Variants in EXTL3 observed in about 807,000 individuals in gnomAD.
EXTL3 encodes the protein exostosin like glycosyltransferase 3, also known as exostosin-like 3.
Under a neutral mutation model 69.3 loss-of-function variants are expected in EXTL3, and 27 were observed. The observed-to-expected ratio is 0.39, with a 90% CI of 0.29 to 0.54. The LOEUF is 0.54. Among genes scored for constraint, EXTL3 ranks in the 20% least tolerant of loss-of-function variants. EXTL3 has a pLI of 0.69. For missense variants in EXTL3, 1,003 were observed against 1,231.8 expected, an observed-to-expected ratio of 0.81 and a Z score of 2.78; for synonymous variants, 511 against 499.4, an observed-to-expected ratio of 1.02 and a Z score of -0.31.
At chr8:28,687,890 C>T (rs556744550) in intron 1 of EXTL3, among the ~76,000 whole-genome samples, 3 of 152,170 alleles carry the variant, frequency 2.0e-5, no homozygotes, top group East Asian at 1.9e-4. Flanking sequence ...AGTGGGATAA[C>T]GAATTTAGGA....
intron 4 of EXTL3, among the ~76,000 whole-genome samples, chr8:28,732,978 C>T (rs1026711878): frequency 2.0e-5 from 3 of 152,166 alleles, no homozygotes; most frequent in South Asian, 2.1e-4. Context: ...GCAACCTGCC[C>T]GCCTCGGCCT....
At position 28,731,110 on chromosome 8, in the gene EXTL3, A is replaced by G. The variant is rs1027102988; in HGVS notation, c.2149-113A>G. ...GCTAGATTTTACAAGCGCGGAGATC[A>G]GGCAAAATTATTCAGTAAATCCAGC... On this transcript the variant is annotated intron_variant, in intron 3 of 6. Coordinates refer to ENST00000220562, the MANE Select transcript of EXTL3 (RefSeq NM_001440.4). 133 of 1,358,288 alleles carry G rather than the reference A, an allele frequency of 9.8e-5. 1 individual carries two copies. Among genetic ancestry groups the G allele is most frequent in the Non-Finnish European group, 1.3e-4 (127 of 954,054 alleles). The allele number at this position is 1,358,288 out of a possible 1,614,324, so 84.1% of individuals were successfully genotyped here. A position where few individuals can be genotyped will look rare whatever the true frequency, so the allele number is the denominator to read the frequency against.
chr8:28,720,234 C>G (rs1451025111), intron 3 of EXTL3, among the ~76,000 whole-genome samples: 2 of 152,152 alleles, frequency 1.3e-5, no homozygotes, highest in Non-Finnish European at 2.9e-5. Context: ...AAGGGCACTA[C>G]TGTGATACAC....
At chr8:28,726,335 T>G (rs944342547) in intron 3 of EXTL3, among the ~76,000 whole-genome samples, 2 of 152,202 alleles carry the variant, frequency 1.3e-5, no homozygotes, top group Non-Finnish European at 2.9e-5. Context: ...GAGCTTTTGT[T>G]TAGCCATTAA....
Position 28,716,136 on chromosome 8 carries a change from G to A in EXTL3, c.77G>A (p.Arg26His), listed in dbSNP as rs146905864. The change falls in exon 3 of 7, where the codon CGC becomes CAC. Residue 26 changes from arginine to histidine, a missense_variant. Coordinates refer to ENST00000220562, the MANE Select transcript of EXTL3 (RefSeq NM_001440.4). This position sits in a 1 kb window ranked among gnomAD's most constrained non-coding sequence, Gnocchi z 7.1. ...GQTCMLRWSN[R>H]IRLTWLSFTL... ...ACCTGCATGCTGCGCTGGTCCAACCGCATCCGCCTCACGTGGCTCAGCTTC... is the reference window on the plus strand; with the variant it reads ...ACCTGCATGCTGCGCTGGTCCAACCACATCCGCCTCACGTGGCTCAGCTTC... 22 of 1,613,890 alleles carry A rather than the reference G, an allele frequency of 1.4e-5. No homozygotes were observed. The highest frequency in any genetic ancestry group is 2.2e-5 in the South Asian group (2 of 91,088).
intron 1 of EXTL3, among the ~76,000 whole-genome samples, chr8:28,694,634 G>GTGT (rs200765198): frequency 6.6e-6 from 1 of 152,168 alleles, no homozygotes; most frequent in Admixed American, 6.5e-5. Flanking sequence ...TTGTGACAAA[G>GTGT]GACTAATAAT....
rs751320973 is a variant in EXTL3, at chr8:28,737,643, G to T, written c.2401G>T (p.Gly801Cys). The change falls in exon 5 of 7, where the codon GGT becomes TGT. Residue 801 changes from glycine to cysteine, a missense_variant. By Grantham distance (159) the Gly-to-Cys change is radical. Around this residue, in one of 2 missense-constraint regions of EXTL3, gnomAD observed 261 missense variants for 416.4 expected, o/e 0.63. Transcript: ENST00000220562. ...CTGTGAGCTGTCCATGGTGCTGACA[G>T]GTGCTGCCTTCTTTCACAAGGTAAG... ...YSCELSMVLT[G>C]AAFFHKYYAY... 1 of 1,614,186 alleles carries T rather than the reference G, an allele frequency of 6.2e-7. No individual in the cohort carries two copies. The highest frequency in any genetic ancestry group is 8.5e-7 in the Non-Finnish European group (1 of 1,179,990).
At chr8:28,645,742 T>C (rs544810223) in intron 1 of EXTL3, among the ~76,000 whole-genome samples, 5 of 152,204 alleles carry the variant, frequency 3.3e-5, no homozygotes, top group Admixed American at 2.0e-4. Flanking sequence ...TTTCCCAGGC[T>C]GGTCTCAAAC....
At chr8:28,679,159 C>T (rs1349203919) in intron 1 of EXTL3, among the ~76,000 whole-genome samples, 1 of 152,190 alleles carries the variant, frequency 6.6e-6, no homozygotes, top group Non-Finnish European at 1.5e-5. Flanking sequence ...TAAGAATGTC[C>T]AGTCTAGGCC....
At chr8:28,723,435 T>TA (rs1181798235) in intron 3 of EXTL3, among the ~76,000 whole-genome samples, 2 of 152,142 alleles carry the variant, frequency 1.3e-5, no homozygotes, top group Non-Finnish European at 2.9e-5. Context: ...TACTAAGAAA[T>TA]ACAGAAGTTG....
At chr8:28,725,734 ATC>A (rs1251063613) in intron 3 of EXTL3, among the ~76,000 whole-genome samples, 1 of 152,232 alleles carries the variant, frequency 6.6e-6, no homozygotes, top group African/African-American at 2.4e-5. Flanking sequence ...ATCATAAGGC[ATC>A]TAATAGCAAT....
intron 3 of EXTL3, among the ~76,000 whole-genome samples, chr8:28,719,830 T>C (rs1801258482): frequency 6.6e-6 from 1 of 152,234 alleles, no homozygotes. Context: ...GATAGGGATG[T>C]AGAGAAGCTG....
At chr8:28,675,693 T>G (rs1390129659) in intron 1 of EXTL3, among the ~76,000 whole-genome samples, 1 of 152,114 alleles carries the variant, frequency 6.6e-6, no homozygotes, top group South Asian at 2.1e-4. Flanking sequence ...TAAGCAGGGA[T>G]TCTCCATTTA....
rs564839775 is a variant in EXTL3, at chr8:28,716,039, G to T, written c.-21G>T. On this transcript the variant is annotated 5_prime_UTR_variant, in exon 3 of 7. Coordinates refer to ENST00000220562, the MANE Select transcript of EXTL3 (RefSeq NM_001440.4). This position sits in a 1 kb window ranked among gnomAD's most constrained non-coding sequence, Gnocchi z 7.1. ...TGGCGAGTGACCCGACGTGATCTGG[G>T]GGGCAGGCTGCAGAGGACTCATGAC... The T allele has an allele frequency of 3.0e-5, 47 of 1,586,164 alleles. No individual in the cohort carries two copies. The Admixed American group carries it at 4.7e-4, about 16-fold the overall frequency.
chr8:28,615,766 G>A (rs533332883), intron 2 of EXTL3, among the ~76,000 whole-genome samples: 1 of 151,848 alleles, frequency 6.6e-6, no homozygotes, highest in African/African-American at 2.4e-5. Flanking sequence ...TAGAGACGAG[G>A]TTTTACCATG....
At position 28,720,167 on chromosome 8, in the gene EXTL3, G is replaced by A. The variant is rs111255606; in HGVS notation, c.2148+1960G>A. Among the ~76,000 whole-genome samples the A allele has an allele frequency of 6.6e-3, 1,004 of 152,116 alleles. 18 individuals are homozygous for A. Among genetic ancestry groups the A allele is most frequent in the African/African-American group, 0.023 (956 of 41,476 alleles). ...GAACAGTTGAAGTTGCTGACATCTC[G>A]GATGTACCCAGCTATCAGAGCTAGA... is the stretch of plus-strand genomic sequence containing the variant. On this transcript the variant is annotated intron_variant, in intron 3 of 6. Transcript: ENST00000220562.
chr8:28,748,424 G>C (rs1317324091), intron 6 of EXTL3, among the ~76,000 whole-genome samples: 2 of 152,010 alleles, frequency 1.3e-5, no homozygotes, highest in African/African-American at 2.4e-5. Flanking sequence ...AGTGGATTAG[G>C]TAGTTTGAAA....
At chr8:28,687,062 T>C (rs529996448) in intron 1 of EXTL3, among the ~76,000 whole-genome samples, 2 of 152,118 alleles carry the variant, frequency 1.3e-5, no homozygotes, top group African/African-American at 2.4e-5. Flanking sequence ...TGATAGCCAG[T>C]TGGACATGCT....
chr8:28,671,317 T>G (rs9773170), intron 1 of EXTL3, among the ~76,000 whole-genome samples: 60 of 143,236 alleles, frequency 4.2e-4, no homozygotes, highest in African/African-American at 7.6e-4. Context: ...TTGTTTTTTT[T>G]TTTTTTTTTT....
Sources: allele counts gnomAD v4.1 joint callset (sites outside exome capture counted in the v4.1 genomes callset), GRCh38; gene constraint gnomAD v4.1.1; regional missense constraint gnomAD v4.1.1; non-coding constraint Gnocchi (gnomAD v3.1); transcripts MANE v1.5; gene names NCBI Gene and HGNC (gene_info 2026-07-23, HGNC 2026-07-21).